Variants in ATXN10 observed in about 807,000 individuals in gnomAD.
ATXN10 encodes ataxin-10.
A neutral mutation model predicts 52.9 loss-of-function variants in ATXN10; 28 were observed. That is an observed-to-expected ratio of 0.53 (90% CI 0.39 to 0.73). ATXN10 has a LOEUF of 0.73. Ranked by LOEUF, ATXN10 falls within the 30% of genes least tolerant of loss-of-function variation. ATXN10 has a pLI of 0.00. For synonymous variants in ATXN10, 226 were observed against 221.5 expected (o/e 1.02, Z -0.18); for missense variants, 565 against 577.0 (o/e 0.98, Z 0.21).
rs191107598 is a variant in ATXN10, at chr22:45,691,452, T to C, written c.309-1544T>C. 3.1e-3 allele frequency among the ~76,000 whole-genome samples: 473 copies of C among 152,366 alleles called. 2 individuals are homozygous for C. The highest frequency in any genetic ancestry group is 0.01 in the South Asian group (50 of 4,832). On this transcript the variant is annotated intron_variant, in intron 2 of 11. Transcript: ENST00000252934. ...GAAATTTTTTCATTTTTACAAAAGA[T>C]GAAACTGTAACTTGGAGAGGTTAAA...
intron 9 of ATXN10, among the ~76,000 whole-genome samples, chr22:45,794,545 T>C (rs1407933274): frequency 6.6e-6 from 1 of 152,198 alleles, no homozygotes; most frequent in Non-Finnish European, 1.5e-5. Context: ...TGGTTTTGGC[T>C]AATCTTCTCT....
chr22:45,704,612 T>C (rs1353520113), intron 5 of ATXN10, among the ~76,000 whole-genome samples: 1 of 152,228 alleles, frequency 6.6e-6, no homozygotes, highest in Admixed American at 6.5e-5. Context: ...GATTTTTGTA[T>C]ATTAATCTTA....
At chr22:45,682,076 C>A (rs978177314) in intron 1 of ATXN10, among the ~76,000 whole-genome samples, 3 of 152,160 alleles carry the variant, frequency 2.0e-5, no homozygotes, top group Non-Finnish European at 4.4e-5. Context: ...CCTTAAAAAT[C>A]ATCAGTTTTA....
At position 45,718,575 on chromosome 22, in the gene ATXN10, T is replaced by C; in HGVS notation, c.728+82T>C. On this transcript the variant is annotated intron_variant, in intron 6 of 11. Coordinates refer to ENST00000252934, the MANE Select transcript of ATXN10 (RefSeq NM_013236.4). This position sits in a 1 kb window ranked among gnomAD's most constrained non-coding sequence, Gnocchi z 4.4. ...TGCACGTGACTGAAAAGCTGTGTGG[T>C]TTCTGAGTTGGCACAGAATCTCTAA... The C allele has an allele frequency of 1.6e-6, 2 of 1,253,824 alleles. No individual in the cohort carries two copies. Among genetic ancestry groups the C allele is most frequent in the Non-Finnish European group, 2.3e-6 (2 of 852,522 alleles). 77.7% of individuals were successfully genotyped at this position (1,253,824 alleles called of 1,614,324 possible). A position where few individuals can be genotyped will look rare whatever the true frequency, so the allele number is the denominator to read the frequency against.
chr22:45,817,634 T>C (rs1416543300), intron 10 of ATXN10, among the ~76,000 whole-genome samples: 3 of 152,152 alleles, frequency 2.0e-5, no homozygotes, highest in African/African-American at 7.2e-5. Context: ...CTTAATTTTT[T>C]TTTTTTTAAG....
rs1455589615 is a variant in ATXN10, at chr22:45,763,230, G to A, written c.1173+22692G>A. Among the ~76,000 whole-genome samples, 1 of 152,190 alleles carries A rather than the reference G, an allele frequency of 6.6e-6. No individual in the cohort carries two copies. Among genetic ancestry groups the A allele is most frequent in the East Asian group, 1.9e-4 (1 of 5,186 alleles). ...GGGCAGGGAGGTGGTGGGAGAATCT[G>A]GAGAGCTGGAGAGAGTGAGGTGGTG... is the stretch of plus-strand genomic sequence containing the variant. On this transcript the variant is annotated intron_variant, in intron 9 of 11. Transcript: ENST00000252934. This position sits in a 1 kb window ranked among gnomAD's most constrained non-coding sequence, Gnocchi z 6.9.
Position 45,774,412 on chromosome 22 carries a change from A to G in ATXN10, c.1174-32547A>G, listed in dbSNP as rs1002486465. Among the ~76,000 whole-genome samples, 3 of 152,250 alleles carry G rather than the reference A, an allele frequency of 2.0e-5. No individual in the cohort carries two copies. The highest frequency in any genetic ancestry group is 4.4e-5 in the Non-Finnish European group (3 of 68,040). On this transcript the variant is annotated intron_variant, in intron 9 of 11. Transcript: ENST00000252934. This position sits in a 1 kb window ranked among gnomAD's most constrained non-coding sequence, Gnocchi z 6.2. ...GCAAGCAGTCCTGTGGGAGAGCTCCAGGTCTCCTGTTCCTTATGTTGGAAA... is the reference window on the plus strand; with the variant it reads ...GCAAGCAGTCCTGTGGGAGAGCTCCGGGTCTCCTGTTCCTTATGTTGGAAA...
intron 9 of ATXN10, among the ~76,000 whole-genome samples, chr22:45,776,434 T>G (rs1601639135): frequency 6.6e-6 from 1 of 152,298 alleles, no homozygotes; most frequent in African/African-American, 2.4e-5. Flanking sequence ...CCTTAAAATT[T>G]TCCCCTCTCA....
Position 45,701,697 on chromosome 22 carries a change from AT to A in ATXN10, c.489-991del, listed in dbSNP as rs376031773. On this transcript the variant is annotated intron_variant, in intron 4 of 11. Coordinates refer to ENST00000252934, the MANE Select transcript of ATXN10 (RefSeq NM_013236.4). The surrounding 1 kb of genome is among the most constrained non-coding windows in gnomAD (Gnocchi z 4.2). ...GATGATTAGAATGTGGTGGTAACTT[AT>A]ATATTCGTTATTCCTGAAGGATTTC... Among the ~76,000 whole-genome samples the A allele has an allele frequency of 1.1e-3, 175 of 152,288 alleles. No homozygotes were observed. The highest frequency in any genetic ancestry group is 3.9e-3 in the African/African-American group (161 of 41,568).
At position 45,787,347 on chromosome 22, in the gene ATXN10, C is replaced by T. The variant is rs1927354544; in HGVS notation, c.1174-19612C>T. 6.6e-6 allele frequency among the ~76,000 whole-genome samples: 1 copy of T among 152,064 alleles called. No individual in the cohort carries two copies. The highest frequency in any genetic ancestry group is 2.4e-5 in the African/African-American group (1 of 41,394). On this transcript the variant is annotated intron_variant, in intron 9 of 11. Coordinates refer to ENST00000252934, the MANE Select transcript of ATXN10 (RefSeq NM_013236.4). This position sits in a 1 kb window ranked among gnomAD's most constrained non-coding sequence, Gnocchi z 4.2. Reference sequence around the variant, plus strand: ...AATGGACTCTAATTCTCATTGACTCCAAAACTGGAGTTCGGACCTTTTTCC... The same window carrying T: ...AATGGACTCTAATTCTCATTGACTCTAAAACTGGAGTTCGGACCTTTTTCC...
chr22:45,788,840 G>A (rs941129484), intron 9 of ATXN10, among the ~76,000 whole-genome samples: 1 of 151,934 alleles, frequency 6.6e-6, no homozygotes, highest in African/African-American at 2.4e-5. Context: ...GTAGAGATGA[G>A]GTCTCGCCGT....
rs995626136 is a variant in ATXN10 at position 45,750,534 on chromosome 22, G to A, written c.1173+9996G>A. ...TGAGAGCTGTACCTTGTTCCTGTAT[G>A]GAAGTATGGAATATGGGAAAGATAT... On this transcript the variant is annotated intron_variant, in intron 9 of 11. Coordinates refer to ENST00000252934, the MANE Select transcript of ATXN10 (RefSeq NM_013236.4). This position sits in a 1 kb window ranked among gnomAD's most constrained non-coding sequence, Gnocchi z 4.2. 2.6e-5 allele frequency among the ~76,000 whole-genome samples: 4 copies of A among 152,184 alleles called. No individual in the cohort carries two copies. Among genetic ancestry groups the A allele is most frequent in the South Asian group, 4.1e-4 (2 of 4,822 alleles).
intron 9 of ATXN10, among the ~76,000 whole-genome samples, chr22:45,804,089 C>A (rs2146881642): frequency 6.6e-6 from 1 of 152,286 alleles, no homozygotes; most frequent in South Asian, 2.1e-4. Context: ...GCCCAAATTT[C>A]ATCGTAAGAT....
rs1053562956 is a variant in ATXN10, at chr22:45,790,893, C to T, written c.1174-16066C>T. ...AGAGCCTCTCTCTCCCTCTCTCTGTCGCCCAATCTGCAGTGCAGTGGCACA... is the reference window on the plus strand; with the variant it reads ...AGAGCCTCTCTCTCCCTCTCTCTGTTGCCCAATCTGCAGTGCAGTGGCACA... On this transcript the variant is annotated intron_variant, in intron 9 of 11. Transcript: ENST00000252934. The surrounding 1 kb of genome is among the most constrained non-coding windows in gnomAD (Gnocchi z 4.7). 3.9e-5 allele frequency among the ~76,000 whole-genome samples: 6 copies of T among 152,100 alleles called. No individual in the cohort carries two copies. Among genetic ancestry groups the T allele is most frequent in the Non-Finnish European group, 7.4e-5 (5 of 68,016 alleles).
At chr22:45,695,793 C>T (rs890602217) in intron 3 of ATXN10, among the ~76,000 whole-genome samples, 3 of 152,012 alleles carry the variant, frequency 2.0e-5, no homozygotes, top group Admixed American at 6.6e-5. Context: ...CACCTGGCCA[C>T]GTGAGGCATA....
chr22:45,681,831 C>T lies in ATXN10; in HGVS notation c.117-7881C>T, dbSNP rs2146727877. On this transcript the variant is annotated intron_variant, in intron 1 of 11. Transcript: ENST00000252934. The surrounding 1 kb of genome is among the most constrained non-coding windows in gnomAD (Gnocchi z 4.2). Reference sequence around the variant, plus strand: ...TCATGCTCCACCCTCTTCAAACCTCCATCCCATCTCCCTCATCCTCACTCT... The same window carrying T: ...TCATGCTCCACCCTCTTCAAACCTCTATCCCATCTCCCTCATCCTCACTCT... 6.6e-6 allele frequency among the ~76,000 whole-genome samples: 1 copy of T among 152,298 alleles called. No individual in the cohort carries two copies. The highest frequency in any genetic ancestry group is 2.1e-4 in the South Asian group (1 of 4,822).
chr22:45,679,159 C>G (rs1476843264), intron 1 of ATXN10: 1 of 152,156 alleles, frequency 6.6e-6, no homozygotes, highest in East Asian at 1.9e-4. Flanking sequence ...ACTTAATTAC[C>G]TACCAGTCTC....
Position 45,833,569 on chromosome 22 carries a change from T to C in ATXN10, c.1238-9422T>C, listed in dbSNP as rs897010408. Among the ~76,000 whole-genome samples, 1 of 152,176 alleles carries C rather than the reference T, an allele frequency of 6.6e-6. No homozygotes were observed. Among genetic ancestry groups the C allele is most frequent in the African/African-American group, 2.4e-5 (1 of 41,434 alleles). ...ACTAATGTCTTATAACTTAGGTGGG[T>C]TTACTTTTTCTGCTCCAAATTTTTA... is the stretch of plus-strand genomic sequence containing the variant. On this transcript the variant is annotated intron_variant, in intron 10 of 11. Coordinates refer to ENST00000252934, the MANE Select transcript of ATXN10 (RefSeq NM_013236.4). The surrounding 1 kb of genome is among the most constrained non-coding windows in gnomAD (Gnocchi z 4.3).
rs1210690152 is a variant in ATXN10, at chr22:45,818,628, A to G, written c.1237+11606A>G. Among the ~76,000 whole-genome samples the G allele has an allele frequency of 6.6e-6, 1 of 152,026 alleles. No individual in the cohort carries two copies. Among genetic ancestry groups the G allele is most frequent in the Non-Finnish European group, 1.5e-5 (1 of 67,990 alleles). Reference sequence around the variant, plus strand: ...GGATCAGGGATCAACAGCCTGGGGCAGGGATCAGGGATCAGGGGGCAGGGA... The same window carrying G: ...GGATCAGGGATCAACAGCCTGGGGCGGGGATCAGGGATCAGGGGGCAGGGA... On this transcript the variant is annotated intron_variant, in intron 10 of 11. Coordinates refer to ENST00000252934, the MANE Select transcript of ATXN10 (RefSeq NM_013236.4). The surrounding 1 kb of genome is among the most constrained non-coding windows in gnomAD (Gnocchi z 4.6).
Sources: gnomAD v4.1 joint callset for allele counts (sites outside exome capture counted in the v4.1 genomes callset) on GRCh38, gnomAD v4.1.1 for gene constraint, Gnocchi (gnomAD v3.1) non-coding constraint, MANE v1.5 for transcripts, NCBI Gene and HGNC (gene_info 2026-07-23, HGNC 2026-07-21) for gene names.